MYBL2: variants seen among roughly 807,000 people sequenced by gnomAD.
The protein encoded by MYBL2 is myb-related protein B.
In MYBL2, 28 loss-of-function variants were observed where a neutral mutation model predicts 79.9. The observed-to-expected ratio is 0.35, with a 90% confidence interval of 0.26 to 0.48. The LOEUF is 0.48. MYBL2 is among the 20% of genes least tolerant of loss of function. The pLI is 0.99. For missense variants in MYBL2, 735 were observed against 893.9 expected, an observed-to-expected ratio of 0.82 and a Z score of 2.27; for synonymous variants, 378 against 361.2, an observed-to-expected ratio of 1.05 and a Z score of -0.53.
intron 2 of MYBL2, among the ~76,000 whole-genome samples, chr20:43,676,709 G>A (rs6073172): frequency 6.6e-6 from 1 of 152,128 alleles, no homozygotes; most frequent in African/African-American, 2.4e-5. Context: ...TGTATGTTTA[G>A]TTTTACAGAA....
intron 12 of MYBL2, 138 bp downstream of exon 12, chr20:43,713,244 C>T: frequency 3.2e-6 from 2 of 633,152 alleles, no homozygotes; most frequent in East Asian, 5.5e-5. Context: ...GGTCCGGGCA[C>T]CCACTCATGG....
At chr20:43,689,377 C>T (rs999792798) in intron 5 of MYBL2, among the ~76,000 whole-genome samples, 1 of 152,102 alleles carries the variant, frequency 6.6e-6, no homozygotes, top group Non-Finnish European at 1.5e-5. Context: ...GGCTTCTTTC[C>T]CCCCATGGCC....
intron 6 of MYBL2, among the ~76,000 whole-genome samples, chr20:43,699,448 T>G (rs1987632019): frequency 6.6e-6 from 1 of 152,222 alleles, no homozygotes; most frequent in African/African-American, 2.4e-5. Flanking sequence ...TAAAGTTATA[T>G]TCAATCCAGG....
intron 11 of MYBL2, among the ~76,000 whole-genome samples, chr20:43,712,333 T>G (rs1487079034): frequency 6.6e-6 from 1 of 152,028 alleles, no homozygotes; most frequent in Non-Finnish European, 1.5e-5. Flanking sequence ...AGGTGGGCGG[T>G]CAGCCTGGGC....
chr20:43,668,450 T>C (rs1261025277), intron 1 of MYBL2, among the ~76,000 whole-genome samples: 5 of 152,108 alleles, frequency 3.3e-5, no homozygotes, highest in African/African-American at 1.2e-4. Context: ...TCCGCCCGAC[T>C]CGGCCTCCCA....
intron 10 of MYBL2, among the ~76,000 whole-genome samples, chr20:43,710,461 G>A (rs1441168070): frequency 6.6e-6 from 1 of 152,186 alleles, no homozygotes; most frequent in Non-Finnish European, 1.5e-5. Flanking sequence ...TACAGAGCAC[G>A]GGAAAGCCCC....
intron 2 of MYBL2, among the ~76,000 whole-genome samples, chr20:43,679,897 A>AG (rs952127257): frequency 7.4e-6 from 1 of 134,810 alleles, no homozygotes; most frequent in Non-Finnish European, 1.6e-5. Flanking sequence ...TGGGTGACCA[A>AG]GAGAGACCCT....
At position 43,716,221 on chromosome 20, in the gene MYBL2, A is replaced by C; in HGVS notation, c.*134A>C. On this transcript the variant is annotated 3_prime_UTR_variant, in exon 14 of 14. Coordinates refer to ENST00000217026, the MANE Select transcript of MYBL2 (RefSeq NM_002466.4). ...GCCACCAGCCCCTCCCCAGACTCTC[A>C]GGTGGAGGCAACAGGGCCATGTGCT... 5 of 1,327,996 alleles carry C rather than the reference A, an allele frequency of 3.8e-6. No individual in the cohort carries two copies. The highest frequency in any genetic ancestry group is 2.7e-5 in the East Asian group (1 of 36,776). 82.3% of individuals were successfully genotyped at this position (1,327,996 alleles called of 1,614,324 possible).
At chr20:43,708,232 T>C (rs2145733009) in intron 9 of MYBL2, among the ~76,000 whole-genome samples, 1 of 152,192 alleles carries the variant, frequency 6.6e-6, no homozygotes, top group South Asian at 2.1e-4. Context: ...TCTAACTAGC[T>C]GAGAACACAG....
chr20:43,672,004 T>C (rs1260675245), intron 1 of MYBL2, among the ~76,000 whole-genome samples: 1 of 148,874 alleles, frequency 6.7e-6, no homozygotes, highest in Non-Finnish European at 1.5e-5. Flanking sequence ...GGTCAGGAGT[T>C]CAAGACCAGC....
chr20:43,685,549 G>A (rs1159271793), intron 4 of MYBL2, among the ~76,000 whole-genome samples: 1 of 152,120 alleles, frequency 6.6e-6, no homozygotes, highest in Non-Finnish European at 1.5e-5. Flanking sequence ...GGTGTGGCCA[G>A]GAATTTGAGA....
At chr20:43,681,491 C>T (rs1987141660) in intron 2 of MYBL2, among the ~76,000 whole-genome samples, 1 of 152,184 alleles carries the variant, frequency 6.6e-6, no homozygotes, top group Non-Finnish European at 1.5e-5. Context: ...GAACCTGTCC[C>T]TTAGTGTCCC....
chr20:43,714,858 T>C (rs1277063950), intron 12 of MYBL2, among the ~76,000 whole-genome samples: 1 of 152,224 alleles, frequency 6.6e-6, no homozygotes, highest in Admixed American at 6.5e-5. Context: ...CTCGATCTCT[T>C]GACCTCGTGA....
chr20:43,680,415 C>T (rs1364059954), intron 2 of MYBL2, among the ~76,000 whole-genome samples: 3 of 152,240 alleles, frequency 2.0e-5, no homozygotes, highest in Non-Finnish European at 4.4e-5. Flanking sequence ...GTGTCCTCAG[C>T]TTTCATCCAT....
At chr20:43,676,725 C>G (rs968431121) in intron 2 of MYBL2, among the ~76,000 whole-genome samples, 1 of 152,138 alleles carries the variant, frequency 6.6e-6, no homozygotes, top group Non-Finnish European at 1.5e-5. Context: ...CAGAAACTGC[C>G]TTTTTCTTAA....
Position 43,716,257 on chromosome 20 carries a change from C to A in MYBL2, c.*170C>A. 9.9e-7 allele frequency: 1 copy of A among 1,009,284 alleles called. No individual in the cohort carries two copies. Among genetic ancestry groups the A allele is most frequent in the Non-Finnish European group, 1.4e-6 (1 of 725,434 alleles). 62.5% of individuals were successfully genotyped at this position (1,009,284 alleles called of 1,614,324 possible). On this transcript the variant is annotated 3_prime_UTR_variant, in exon 14 of 14. Coordinates refer to ENST00000217026, the MANE Select transcript of MYBL2 (RefSeq NM_002466.4). Reference sequence around the variant, plus strand: ...ACAGGGCCATGTGCTGCCCTGTTGCCGAGCCCAGCTGTGGGCGGCTCCTGG... The same window carrying A: ...ACAGGGCCATGTGCTGCCCTGTTGCAGAGCCCAGCTGTGGGCGGCTCCTGG...
At chr20:43,682,192 A>G (rs1387507935) in intron 3 of MYBL2, among the ~76,000 whole-genome samples, 1 of 151,578 alleles carries the variant, frequency 6.6e-6, no homozygotes, top group Non-Finnish European at 1.5e-5. Flanking sequence ...AACTGAGGGG[A>G]AGTGATGCTT....
In MYBL2 at chr20:43,709,126, C is replaced by T. The variant is rs535548148; in HGVS notation, c.1506-837C>T. Among the ~76,000 whole-genome samples the T allele has an allele frequency of 7.2e-5, 11 of 152,292 alleles. No individual in the cohort carries two copies. The South Asian group carries it at 2.3e-3, about 32-fold the overall frequency. ...GGCTGCTGTTTCTAGGAGTTGGCCT[C>T]ATCACCCAGGTCCCTGGCTACCTGG... On this transcript the variant is annotated intron_variant, in intron 9 of 13. Transcript: ENST00000217026.
At chr20:43,693,542 G>T (rs1190626934) in intron 6 of MYBL2, among the ~76,000 whole-genome samples, 1 of 151,916 alleles carries the variant, frequency 6.6e-6, no homozygotes, top group Non-Finnish European at 1.5e-5. Context: ...TCACCATGTT[G>T]GTCAAACTGG....
Sources: gnomAD v4.1 joint callset for allele counts (sites outside exome capture counted in the v4.1 genomes callset) on GRCh38, gnomAD v4.1.1 for gene constraint, MANE v1.5 for transcripts, NCBI Gene and HGNC (gene_info 2026-07-23, HGNC 2026-07-21) for gene names.